The following NYNRIN variants were observed in gnomAD, a reference collection of about 807,000 sequenced individuals.
The protein encoded by NYNRIN is protein NYNRIN.
A neutral mutation model predicts 146.6 loss-of-function variants in NYNRIN; 86 were observed. That is an observed-to-expected ratio of 0.59 (90% CI 0.49 to 0.70). NYNRIN has a LOEUF of 0.70. Among genes scored for constraint, NYNRIN ranks in the 30% least tolerant of loss-of-function variants. NYNRIN has a pLI of 0.00. For synonymous variants in NYNRIN, 1,027 were observed against 1,001.3 expected (o/e 1.03, Z -0.48); for missense variants, 2,191 against 2,377.7 (o/e 0.92, Z 1.63).
Position 24,411,313 on chromosome 14 carries a change from C to T in NYNRIN, c.2546-41C>T. The T allele has an allele frequency of 6.2e-7, 1 of 1,612,460 alleles. No homozygotes were observed. Among genetic ancestry groups the T allele is most frequent in the Non-Finnish European group, 8.5e-7 (1 of 1,178,518 alleles). ...CCCCAGAGTGGCCATTTCCACTTAG[C>T]CCTCCCTTGACCATTTCTGTCTTCT... is the stretch of plus-strand genomic sequence containing the variant. On this transcript the variant is annotated intron_variant, in intron 5 of 8. Transcript: ENST00000382554. The surrounding 1 kb of genome is among the most constrained non-coding windows in gnomAD (Gnocchi z 4.3).
chr14:24,404,710 A>G (rs2042865868), intron 2 of NYNRIN, among the ~76,000 whole-genome samples: 1 of 152,112 alleles, frequency 6.6e-6, no homozygotes, highest in Non-Finnish European at 1.5e-5. Context: ...TGTGATCTTT[A>G]AGTCTCTGCT....
chr14:24,414,659 T>A lies in NYNRIN; in HGVS notation c.2910T>A (p.Ser970Arg). 1 of 1,613,704 alleles carries A rather than the reference T, an allele frequency of 6.2e-7. No homozygotes were observed. Among genetic ancestry groups the A allele is most frequent in the South Asian group, 1.1e-5 (1 of 91,042 alleles). The change falls in exon 9 of 9, where the codon AGT (serine) becomes AGA (arginine). Residue 970 changes from serine (S) to arginine (R), a missense_variant. Physicochemically the swap from Ser to Arg is moderately radical, Grantham distance 110. Around this residue, in one of 3 missense-constraint regions of NYNRIN, gnomAD observed 1,291 missense variants for 1,417.0 expected, o/e 0.91. Transcript: ENST00000382554. ...AGACCCTTCCTCCCAGCTCAGCCAG[T>A]GTCACTGAGCTGAGTGATGACGCTG... Reference protein sequence around the residue: ...VWKTLPPSSASVTELSDDADS... With the variant: ...VWKTLPPSSARVTELSDDADS...
intron 2 of NYNRIN, among the ~76,000 whole-genome samples, chr14:24,407,031 C>T (rs11626929): frequency 0.34 from 51,157 of 152,144 alleles, 10,470 homozygotes; most frequent in Middle Eastern, 0.53. Flanking sequence ...GGCTTATCTC[C>T]TGCTCTGTTG....
intron 2 of NYNRIN, among the ~76,000 whole-genome samples, chr14:24,405,012 G>GTGTGTGTGTGTGAGAA (rs2042867747): frequency 4.2e-5 from 1 of 23,600 alleles, no homozygotes; most frequent in African/African-American, 1.0e-4. Context: ...GTGTGTGTGT[G>GTGTGTGTGTGTGAGAA]TGTGTGTGTG....
chr14:24,416,641 G>T lies in NYNRIN; in HGVS notation c.4892G>T (p.Gly1631Val). ...VVGPVTISEE[G>V]HKHVLIVADP... ...GGCCCGGTCACCATAAGTGAGGAGG[G>T]CCATAAGCATGTACTTATTGTGGCT... Residue 1631 changes from glycine to valine, a missense_variant, in exon 9 of 9, where the codon GGC becomes GTC. Transcript: ENST00000382554. 2 of 1,613,950 alleles carry T rather than the reference G, an allele frequency of 1.2e-6. No homozygotes were observed. The highest frequency in any genetic ancestry group is 1.7e-6 in the Non-Finnish European group (2 of 1,179,878).
In NYNRIN at chr14:24,409,990, C is replaced by T. The variant is rs190237479; in HGVS notation, c.2196C>T (p.Ala732=). 2.1e-5 allele frequency: 34 copies of T among 1,613,798 alleles called. No individual in the cohort carries two copies. The East Asian group carries it at 6.2e-4, about 30-fold the overall frequency. Residue 732 remains alanine, a synonymous_variant, in exon 4 of 9, where the codon GCC becomes GCT. Coordinates refer to ENST00000382554, the MANE Select transcript of NYNRIN (RefSeq NM_025081.3). ...GTCCCCAGTCCAGTGGCACCTTGGCCCTCAGCAGTAAGCACCAGTTTCAGA... is the reference window on the plus strand; with the variant it reads ...GTCCCCAGTCCAGTGGCACCTTGGCTCTCAGCAGTAAGCACCAGTTTCAGA... ...RQGPQSSGTL[A]LSSKHQFQME... is the part of the protein sequence containing the mutation.
chr14:24,416,606 C>A lies in NYNRIN; in HGVS notation c.4857C>A (p.Ile1619=). The change falls in exon 9 of 9, where the codon ATC becomes ATA. Residue 1619 remains isoleucine, a synonymous_variant. Transcript: ENST00000382554. ...CCGCCCCCTGGTCGAACCTGCAGAT[C>A]GAGGTGGTGGGCCCGGTCACCATAA... is the stretch of plus-strand genomic sequence containing the variant. ...RSTAPWSNLQ[I]EVVGPVTISE... is the part of the protein sequence containing the mutation. 1.9e-6 allele frequency: 3 copies of A among 1,613,938 alleles called. No individual in the cohort carries two copies. Among genetic ancestry groups the A allele is most frequent in the Non-Finnish European group, 2.5e-6 (3 of 1,179,878 alleles).
Position 24,408,293 on chromosome 14 carries a change from G to A in NYNRIN, c.623G>A (p.Arg208His), listed in dbSNP as rs746196710. Reference sequence around the variant, plus strand: ...GAAGACATCATCGAGTGGCTCAGCCGCTTCGGCATCTCTGACTCCCACTCC... The same window carrying A: ...GAAGACATCATCGAGTGGCTCAGCCACTTCGGCATCTCTGACTCCCACTCC... ...GKEDIIEWLSRFGISDSHSDP... is the reference protein window; with the variant it reads ...GKEDIIEWLSHFGISDSHSDP... Residue 208 changes from arginine (R) to histidine (H), a missense_variant, in exon 3 of 9, where the codon CGC (arginine) becomes CAC (histidine). This residue lies in a region of NYNRIN where 895 missense variants were observed against 941.2 expected (regional missense o/e 0.95). Transcript: ENST00000382554. The A allele has an allele frequency of 1.2e-5, 20 of 1,612,560 alleles. No homozygotes were observed. The highest frequency in any genetic ancestry group is 8.3e-5 in the Admixed American group (5 of 60,014).
Position 24,409,135 on chromosome 14 carries a change from C to T in NYNRIN, c.1341C>T (p.Cys447=). The T allele has an allele frequency of 1.2e-6, 2 of 1,613,852 alleles. No individual in the cohort carries two copies. The highest frequency in any genetic ancestry group is 1.1e-5 in the South Asian group (1 of 91,062). The part of the protein sequence containing the change: ...GLGGEAALQN[C]PRPEISPKVT... ...GAGGAGAAGCAGCCCTGCAGAATTG[C>T]CCAAGGCCAGAGATTTCCCCAAAAG... Residue 447 remains cysteine, a synonymous_variant, in exon 4 of 9, where the codon TGC becomes TGT. Coordinates refer to ENST00000382554, the MANE Select transcript of NYNRIN (RefSeq NM_025081.3).
At chr14:24,412,265 A>C (rs1367665844) in intron 6 of NYNRIN, among the ~76,000 whole-genome samples, 2 of 152,162 alleles carry the variant, frequency 1.3e-5, no homozygotes, top group Non-Finnish European at 2.9e-5. Context: ...GTTTGATGGA[A>C]GATGGCTTTT....
chr14:24,412,774 CGTGCATCCAAG>C (rs987054527), intron 6 of NYNRIN: 2 of 449,666 alleles, frequency 4.4e-6, no homozygotes, highest in African/African-American at 4.0e-5. Flanking sequence ...GCTGGGAATG[CGTGCATCCAAG>C]GTCACCCTTG....
rs2042933609 is a variant in NYNRIN, at chr14:24,414,830, C to G, written c.3081C>G (p.Phe1027Leu). 1.9e-6 allele frequency: 3 copies of G among 1,613,344 alleles called. No individual in the cohort carries two copies. The East Asian group carries it at 6.7e-5, about 36-fold the overall frequency. The change falls in exon 9 of 9, where the codon TTC becomes TTG. Residue 1027 changes from phenylalanine to leucine, a missense_variant. Phe to Leu is a conservative substitution (Grantham distance 22). Around this residue, in one of 3 missense-constraint regions of NYNRIN, gnomAD observed 1,291 missense variants for 1,417.0 expected, o/e 0.91. Coordinates refer to ENST00000382554, the MANE Select transcript of NYNRIN (RefSeq NM_025081.3). ...DDLDSSLASV[F>L]RVECPSLSEE... ...TTGACTCTTCGCTGGCGTCAGTGTTCAGGGTGGAGTGCCCGTCCCTTTCGG... is the reference window on the plus strand; with the variant it reads ...TTGACTCTTCGCTGGCGTCAGTGTTGAGGGTGGAGTGCCCGTCCCTTTCGG...
intron 2 of NYNRIN, among the ~76,000 whole-genome samples, chr14:24,401,506 A>T (rs892381393): frequency 1.3e-5 from 2 of 152,054 alleles, no homozygotes; most frequent in African/African-American, 4.8e-5. Flanking sequence ...CCAAGTTACA[A>T]CCAAGATAGG....
chr14:24,409,082 C>A lies in NYNRIN; in HGVS notation c.1288C>A (p.Pro430Thr), dbSNP rs1477949724. Residue 430 changes from proline to threonine, a missense_variant, in exon 4 of 9, where the codon CCA becomes ACA. This residue lies in a region of NYNRIN where 895 missense variants were observed against 941.2 expected (regional missense o/e 0.95). Coordinates refer to ENST00000382554, the MANE Select transcript of NYNRIN (RefSeq NM_025081.3). ...ELAPLPSAES[P>T]AGRPDGGLGG... ...GGCTCCTCTGCCTAGTGCAGAAAGC[C>A]CAGCTGGTAGACCAGATGGGGGGCT... The A allele has an allele frequency of 3.7e-6, 6 of 1,613,510 alleles. No homozygotes were observed. In the African/African-American group the frequency reaches 4.0e-5, roughly 11 times the overall value.
rs1403335446 is a variant in NYNRIN, at chr14:24,415,794, A to T, written c.4045A>T (p.Thr1349Ser). The change falls in exon 9 of 9, where the codon ACG becomes TCG. Residue 1349 changes from threonine (T) to serine (S), a missense_variant. Thr to Ser is a moderately conservative substitution (Grantham distance 58). This residue lies in a region of NYNRIN where 1,291 missense variants were observed against 1,417.0 expected (regional missense o/e 0.91). Transcript: ENST00000382554. ...VSLSFSCSPY[T>S]PTYAHLAAVA... ...CCTTTCCTTCTCCTGCTCCCCTTAC[A>T]CGCCAACCTATGCCCACCTGGCAGC... 1 of 1,613,288 alleles carries T rather than the reference A, an allele frequency of 6.2e-7. No individual in the cohort carries two copies. Among genetic ancestry groups the T allele is most frequent in the East Asian group, 2.2e-5 (1 of 44,842 alleles).
At chr14:24,414,476 T>C in intron 8 of NYNRIN, 120 bp from the exon 9 acceptor site, 1 of 1,407,092 alleles carries the variant, frequency 7.1e-7, no homozygotes, top group Non-Finnish European at 9.3e-7. Flanking sequence ...GCCATGCAAG[T>C]TGTTGGCACT....
rs1334869413 is a variant in NYNRIN, at chr14:24,418,110, C to T, written c.*664C>T. On this transcript the variant is annotated 3_prime_UTR_variant, in exon 9 of 9. Transcript: ENST00000382554. ...GGGAGGATGGCCAGCCACAAGCCAC[C>T]AGCTTGTCAGCATGGGAAGGGCAAG... 1 of 371,780 alleles carries T rather than the reference C, an allele frequency of 2.7e-6. No individual in the cohort carries two copies. Among genetic ancestry groups the T allele is most frequent in the African/African-American group, 2.1e-5 (1 of 46,812 alleles). 23.0% of individuals were successfully genotyped at this position (371,780 alleles called of 1,614,324 possible).
chr14:24,412,972 T>G (rs1231874514), intron 6 of NYNRIN, 25 bp from the exon 7 acceptor site: 1 of 1,512,234 alleles, frequency 6.6e-7, no homozygotes, highest in Non-Finnish European at 9.1e-7. Flanking sequence ...TACTGGGTCA[T>G]TAGTGACTTC....
chr14:24,411,013 C>G lies in NYNRIN; in HGVS notation c.2415-63C>G. 6.2e-7 allele frequency: 1 copy of G among 1,601,770 alleles called. No individual in the cohort carries two copies. The highest frequency in any genetic ancestry group is 8.5e-7 in the Non-Finnish European group (1 of 1,173,982). On this transcript the variant is annotated intron_variant, in intron 4 of 8. Coordinates refer to ENST00000382554, the MANE Select transcript of NYNRIN (RefSeq NM_025081.3). The surrounding 1 kb of genome is among the most constrained non-coding windows in gnomAD (Gnocchi z 4.3). ...GTGCTGGCATTGCTTGCTTGCTGCC[C>G]CAGGGCTGGCTCTGAGGGAGGAGTG...
Sources: gnomAD v4.1 joint callset for allele counts (sites outside exome capture counted in the v4.1 genomes callset) on GRCh38, gnomAD v4.1.1 for gene constraint, gnomAD v4.1.1 regional missense constraint, Gnocchi (gnomAD v3.1) non-coding constraint, MANE v1.5 for transcripts, NCBI Gene and HGNC (gene_info 2026-07-23, HGNC 2026-07-21) for gene names.